Variants in C8orf34 observed in about 807,000 individuals in gnomAD.
The protein encoded by C8orf34 is uncharacterized protein C8orf34.
In C8orf34, 65 loss-of-function variants were observed where a neutral mutation model predicts 68.3. The ratio of observed to expected loss-of-function variants is 0.95; its 90% CI spans 0.78 to 1.17. The LOEUF is 1.17. Ranked by LOEUF, C8orf34 falls within the 50% of genes most tolerant of loss-of-function variation. C8orf34 has a pLI of 0.00. For synonymous variants in C8orf34, 244 were observed against 241.2 expected (o/e 1.01, Z -0.11); for missense variants, 664 against 655.4 (o/e 1.01, Z -0.14).
intron 3 of C8orf34, among the ~76,000 whole-genome samples, chr8:68,464,255 C>T (rs1373215428): frequency 6.6e-6 from 1 of 151,944 alleles, no homozygotes; most frequent in Admixed American, 6.6e-5. Flanking sequence ...ATGTGAAGGA[C>T]CTCTTCAAGG....
intron 10 of C8orf34, among the ~76,000 whole-genome samples, chr8:68,765,964 T>A (rs1231703556): frequency 6.6e-6 from 1 of 152,222 alleles, no homozygotes; most frequent in African/African-American, 2.4e-5. Context: ...TTAATGTGTA[T>A]TAAATAATGC....
Position 68,331,329 on chromosome 8 carries a change from C to T in C8orf34, c.317C>T (p.Pro106Leu), listed in dbSNP as rs975414945. 10 of 1,536,340 alleles carry T rather than the reference C, an allele frequency of 6.5e-6. No homozygotes were observed. In the East Asian group the frequency reaches 9.8e-5, roughly 15 times the overall value. The change falls in exon 1 of 14, where the codon CCC becomes CTC. Residue 106 changes from proline to leucine, a missense_variant. By Grantham distance (98) the Pro-to-Leu change is moderately conservative. Transcript: ENST00000518698. ...TACCTGGAGAAGAACAAGATCGGTC[C>T]CCTGTTTGAGGTAAGGCGCTGTGGA... ...QAYLEKNKIG[P>L]LFEELMTKLI...
At chr8:68,536,285 G>A (rs977003198) in intron 7 of C8orf34, among the ~76,000 whole-genome samples, 18 of 138,754 alleles carry the variant, frequency 1.3e-4, no homozygotes, top group African/African-American at 4.4e-4. Context: ...ACTGAGTCTG[G>A]AAGGTCGAGT....
chr8:68,334,577 G>T (rs1173722448), intron 1 of C8orf34, among the ~76,000 whole-genome samples: 1 of 151,948 alleles, frequency 6.6e-6, no homozygotes, highest in Non-Finnish European at 1.5e-5. Flanking sequence ...CTTGGTTCAG[G>T]CCTGATCACA....
intron 7 of C8orf34, among the ~76,000 whole-genome samples, chr8:68,632,297 G>A (rs1020402268): frequency 6.6e-6 from 1 of 152,124 alleles, no homozygotes; most frequent in African/African-American, 2.4e-5. Context: ...TTTTGAACTT[G>A]AGAAAGATGA....
intron 10 of C8orf34, among the ~76,000 whole-genome samples, chr8:68,739,857 A>G (rs1822230638): frequency 1.3e-5 from 2 of 152,198 alleles, no homozygotes; most frequent in Non-Finnish European, 2.9e-5. Context: ...CCTGACTTCA[A>G]ACTATACTAT....
intron 7 of C8orf34, among the ~76,000 whole-genome samples, chr8:68,589,176 T>C (rs933186068): frequency 4.6e-5 from 7 of 152,168 alleles, no homozygotes; most frequent in African/African-American, 1.7e-4. Context: ...ATAAGATTCC[T>C]TCAAAATCAA....
chr8:68,450,630 G>A (rs970636090), intron 3 of C8orf34, among the ~76,000 whole-genome samples: 7 of 152,118 alleles, frequency 4.6e-5, no homozygotes, highest in African/African-American at 1.7e-4. Context: ...GTGACTGGGT[G>A]CATTTTCAAT....
intron 10 of C8orf34, among the ~76,000 whole-genome samples, chr8:68,775,071 A>G (rs1428435964): frequency 1.7e-5 from 2 of 116,994 alleles, no homozygotes; most frequent in African/African-American, 6.4e-5. Context: ...TAAGCCCAGG[A>G]AAAAAAAAAA....
chr8:68,354,010 G>A lies in C8orf34; in HGVS notation c.327+22671G>A, dbSNP rs144403810. On this transcript the variant is annotated intron_variant, in intron 1 of 13. Coordinates refer to ENST00000518698, the MANE Select transcript of C8orf34 (RefSeq NM_052958.4). ...ATATATCAAAACAAGATGTCTATAT[G>A]TGCTTGTATTTGTGTATGTGCTTGT... is the stretch of plus-strand genomic sequence containing the variant. Among the ~76,000 whole-genome samples the A allele has an allele frequency of 5.3e-3, 810 of 152,092 alleles. 5 individuals carry two copies. The highest frequency in any genetic ancestry group is 0.017 in the African/African-American group (715 of 41,498).
At chr8:68,676,677 T>G (rs1419789069) in intron 8 of C8orf34, among the ~76,000 whole-genome samples, 2 of 152,200 alleles carry the variant, frequency 1.3e-5, no homozygotes, top group Non-Finnish European at 2.9e-5. Flanking sequence ...AATCTATAAA[T>G]TTTTAAAATA....
chr8:68,742,162 C>T lies in C8orf34; in HGVS notation c.1404+20725C>T, dbSNP rs562175599. On this transcript the variant is annotated intron_variant, in intron 10 of 13. Transcript: ENST00000518698. ...CCCACTCTTCCTCTTCTTTGATTTC[C>T]CTAAGAACTCCAGGCCCTAAGCCAT... 1.8e-4 allele frequency among the ~76,000 whole-genome samples: 28 copies of T among 152,268 alleles called. 1 individual carries two copies. In the South Asian group the frequency reaches 3.5e-3, roughly 19 times the overall value.
chr8:68,597,216 C>A (rs928236046), intron 7 of C8orf34, among the ~76,000 whole-genome samples: 1 of 151,964 alleles, frequency 6.6e-6, no homozygotes, highest in African/African-American at 2.4e-5. Context: ...CAGGATACCC[C>A]CTTGGAACAA....
chr8:68,740,504 C>T (rs188411048), intron 10 of C8orf34, among the ~76,000 whole-genome samples: 1 of 152,200 alleles, frequency 6.6e-6, no homozygotes, highest in East Asian at 1.9e-4. Flanking sequence ...TATGACTGAT[C>T]ATTAGAGAAA....
At chr8:68,537,729 T>C (rs1386378044) in intron 7 of C8orf34, among the ~76,000 whole-genome samples, 1 of 152,148 alleles carries the variant, frequency 6.6e-6, no homozygotes, top group African/African-American at 2.4e-5. Context: ...GTCCCTTTTA[T>C]TACCTTCTAG....
intron 8 of C8orf34, among the ~76,000 whole-genome samples, chr8:68,694,040 C>T (rs749765832): frequency 9.9e-5 from 15 of 152,054 alleles, no homozygotes; most frequent in Non-Finnish European, 1.5e-4. Flanking sequence ...TTATTTGCTA[C>T]GTGGATGCTC....
Position 68,381,212 on chromosome 8 carries a change from C to A in C8orf34, c.327+49873C>A, listed in dbSNP as rs144883125. Reference sequence around the variant, plus strand: ...GACTATTTTTCTTTAAAAAGGGAAACCAGTAAACTTCATTGATCTGCATTC... The same window carrying A: ...GACTATTTTTCTTTAAAAAGGGAAAACAGTAAACTTCATTGATCTGCATTC... On this transcript the variant is annotated intron_variant, in intron 1 of 13. Transcript: ENST00000518698. Among the ~76,000 whole-genome samples, 10 of 152,270 alleles carry A rather than the reference C, an allele frequency of 6.6e-5. No individual in the cohort carries two copies. The East Asian group carries it at 1.9e-3, about 29-fold the overall frequency.
rs116084478 is a variant in C8orf34 at position 68,492,283 on chromosome 8, G to T, written c.765+4232G>T. Reference sequence around the variant, plus strand: ...CTCGCTTTGTCACCCAGGCTGGTGTGCAGTGCTGCGATCATAGCTCACTGC... The same window carrying T: ...CTCGCTTTGTCACCCAGGCTGGTGTTCAGTGCTGCGATCATAGCTCACTGC... On this transcript the variant is annotated intron_variant, in intron 5 of 13. Coordinates refer to ENST00000518698, the MANE Select transcript of C8orf34 (RefSeq NM_052958.4). Among the ~76,000 whole-genome samples the T allele has an allele frequency of 8.1e-3, 1,232 of 152,158 alleles. 20 individuals are homozygous for T. The highest frequency in any genetic ancestry group is 0.029 in the African/African-American group (1,194 of 41,492).
At chr8:68,339,862 A>T (rs936311898) in intron 1 of C8orf34, among the ~76,000 whole-genome samples, 1 of 152,080 alleles carries the variant, frequency 6.6e-6, no homozygotes, top group Non-Finnish European at 1.5e-5. Context: ...CAAACCAAAG[A>T]TAGACTATAT....
Sources: allele counts gnomAD v4.1 joint callset (sites outside exome capture counted in the v4.1 genomes callset), GRCh38; gene constraint gnomAD v4.1.1; transcripts MANE v1.5; gene names NCBI Gene and HGNC (gene_info 2026-07-23, HGNC 2026-07-21).